DPF2: variants seen among roughly 807,000 people sequenced by gnomAD.
The protein encoded by DPF2 is double PHD fingers 2.
DPF2 carries 10 observed loss-of-function variants against 59.6 expected under a neutral mutation model. The ratio of observed to expected loss-of-function variants is 0.17; its 90% CI spans 0.10 to 0.28. The LOEUF (loss-of-function observed/expected upper bound fraction) is 0.28, where lower values mean the gene tolerates loss of function less well. DPF2 is among the 10% of genes least tolerant of loss of function. The pLI, the probability that DPF2 is intolerant of heterozygous loss-of-function variation, is 1.00. For missense variants in DPF2, 315 were observed against 509.4 expected, an observed-to-expected ratio of 0.62 and a Z score of 3.67; for synonymous variants, 189 against 190.6, an observed-to-expected ratio of 0.99 and a Z score of 0.07.
At chr11:65,344,465 G>C (rs1007877210) in intron 6 of DPF2, 2 of 1,003,208 alleles carry the variant, frequency 2.0e-6, no homozygotes, top group Non-Finnish European at 2.9e-6. Flanking sequence ...CTCCACCCTG[G>C]GAGCACCATC....
At position 65,350,237 on chromosome 11, in the gene DPF2, A is replaced by G. The variant is rs560766515; in HGVS notation, c.1099+1306A>G. 6.0e-4 allele frequency among the ~76,000 whole-genome samples: 92 copies of G among 152,298 alleles called. 3 individuals are homozygous for G. In the South Asian group the frequency reaches 0.019, roughly 31 times the overall value. ...TTAAGGCAGCTGAGGGGCAACCCCT[A>G]GAAGTATCAGATGTTCTAGGTCAGG... is the stretch of plus-strand genomic sequence containing the variant. On this transcript the variant is annotated intron_variant, in intron 10 of 10. Coordinates refer to ENST00000528416, the MANE Select transcript of DPF2 (RefSeq NM_006268.5).
rs1383792097 is a variant in DPF2 at position 65,341,402 on chromosome 11, C to T, written c.305C>T (p.Thr102Ile). The change falls in exon 4 of 11, where the codon ACA becomes ATA. Residue 102 changes from threonine (T) to isoleucine (I), a missense_variant. Physicochemically the swap from Thr to Ile is moderately conservative, Grantham distance 89. Around this residue, in one of 4 missense-constraint regions of DPF2, gnomAD observed 228 missense variants for 275.3 expected, o/e 0.83. Coordinates refer to ENST00000528416, the MANE Select transcript of DPF2 (RefSeq NM_006268.5). ...RLSFPSIKPD[T>I]DQTLKKEGLI... The stretch of plus-strand genomic sequence containing the variant: ...TTTATCCTGACCTTGCTTGCAGACA[C>T]AGACCAGACCCTGAAGAAGGAGGGG... The T allele has an allele frequency of 6.2e-7, 1 of 1,614,076 alleles. No individual in the cohort carries two copies. The highest frequency in any genetic ancestry group is 8.5e-7 in the Non-Finnish European group (1 of 1,180,040).
At chr11:65,344,388 G>T in intron 6 of DPF2, 1 of 635,138 alleles carries the variant, frequency 1.6e-6, no homozygotes, top group Non-Finnish European at 2.7e-6. Context: ...GGCCCCAGGG[G>T]TCTGACACTG....
intron 10 of DPF2, among the ~76,000 whole-genome samples, chr11:65,350,967 G>T (rs1854679616): frequency 6.7e-6 from 1 of 150,240 alleles, no homozygotes; most frequent in South Asian, 2.1e-4. Context: ...CAACAGAGCG[G>T]AAACTCTTGT....
At position 65,343,802 on chromosome 11, in the gene DPF2, G is replaced by C; in HGVS notation, c.523G>C (p.Asp175His). 6.3e-7 allele frequency: 1 copy of C among 1,593,984 alleles called. No individual in the cohort carries two copies. The highest frequency in any genetic ancestry group is 1.1e-5 in the South Asian group (1 of 88,180). ...DDLDDEDYEEDTPKRRGKGKS... is the reference protein window; with the variant it reads ...DDLDDEDYEEHTPKRRGKGKS... The stretch of plus-strand genomic sequence containing the variant: ...CCTCGATGATGAAGACTATGAAGAA[G>C]ATACTCCCAAGCGTCGGGGAAAGGG... The change falls in exon 5 of 11, where the codon GAT becomes CAT. Residue 175 changes from aspartate to histidine, a missense_variant. By Grantham distance (81) the Asp-to-His change is moderately conservative (BLOSUM62 -1). Transcript: ENST00000528416.
intron 7 of DPF2, 31 bp downstream of exon 7, chr11:65,345,834 GC>G (rs751922422): frequency 6.8e-5 from 110 of 1,613,638 alleles, no homozygotes; most frequent in Non-Finnish European, 8.2e-5. Context: ...TGGTGGGCAA[GC>G]AGAAGTTGGC....
chr11:65,344,406 CA>C (rs1854468964), intron 6 of DPF2: 1 of 662,226 alleles, frequency 1.5e-6, no homozygotes, highest in Non-Finnish European at 2.5e-6. Flanking sequence ...CTGAGTTTTT[CA>C]ACGTCTGTTC....
chr11:65,348,636 A>T, intron 9 of DPF2: 8 of 333,320 alleles, frequency 2.4e-5, no homozygotes, highest in Admixed American at 5.0e-5. Context: ...AAAAAAGTGG[A>T]GGTGATTTGA....
At chr11:65,349,625 C>G (rs1324943374) in intron 10 of DPF2, among the ~76,000 whole-genome samples, 1 of 152,114 alleles carries the variant, frequency 6.6e-6, no homozygotes, top group Non-Finnish European at 1.5e-5. Flanking sequence ...GAAACCCCGT[C>G]TCTACTAAAA....
Position 65,337,612 on chromosome 11 carries a change from T to C in DPF2, c.33-2773T>C, listed in dbSNP as rs1854237190. On this transcript the variant is annotated intron_variant, in intron 1 of 10. Coordinates refer to ENST00000528416, the MANE Select transcript of DPF2 (RefSeq NM_006268.5). ...CCTTAAGTTTTTGTTATTGCTTTTT[T>C]TTGTTTTAAGAGACAGAGCCTCCCT... Among the ~76,000 whole-genome samples the C allele has an allele frequency of 2.7e-5, 4 of 149,926 alleles. No homozygotes were observed. In the Admixed American group the frequency reaches 2.7e-4, roughly 10 times the overall value.
chr11:65,351,577 A>C (rs1475893243), intron 10 of DPF2, 106 bp from the exon 11 acceptor site: 1 of 949,672 alleles, frequency 1.1e-6, no homozygotes, highest in Non-Finnish European at 1.7e-6. Flanking sequence ...CCCTCGTCCT[A>C]CCTGTAGCTG....
Position 65,346,027 on chromosome 11 carries a change from G to C in DPF2, c.873G>C (p.Glu291Asp). 6.2e-7 allele frequency: 1 copy of C among 1,614,222 alleles called. No homozygotes were observed. The highest frequency in any genetic ancestry group is 1.1e-5 in the South Asian group (1 of 91,086). ...KINKKTGQPEELVSCSDCGRS... is the reference protein window; with the variant it reads ...KINKKTGQPEDLVSCSDCGRS... ...ACAAGAAGACGGGACAACCCGAGGAGCTGGTGTCCTGTTCTGACTGTGGCC... is the reference window on the plus strand; with the variant it reads ...ACAAGAAGACGGGACAACCCGAGGACCTGGTGTCCTGTTCTGACTGTGGCC... Residue 291 changes from glutamate to aspartate, a missense_variant, in exon 8 of 11, where the codon GAG becomes GAC. By Grantham distance (45) the Glu-to-Asp change is conservative (BLOSUM62 2). This residue lies in a region of DPF2 where 58 missense variants were observed against 84.6 expected (regional missense o/e 0.69). Transcript: ENST00000528416.
At chr11:65,349,663 G>A (rs1424962869) in intron 10 of DPF2, among the ~76,000 whole-genome samples, 6 of 152,216 alleles carry the variant, frequency 3.9e-5, no homozygotes, top group Admixed American at 6.5e-5. Context: ...GGCTGTGGTG[G>A]CGGGCGCCTG....
intron 9 of DPF2, chr11:65,346,671 G>GA (rs998979847): frequency 4.5e-5 from 11 of 244,032 alleles, no homozygotes; most frequent in Admixed American, 2.6e-4. Context: ...AATGTGCCAT[G>GA]AAAAAAACGA....
chr11:65,346,169 A>G, intron 8 of DPF2, 78 bp from the exon 9 acceptor site: 6 of 1,596,748 alleles, frequency 3.8e-6, no homozygotes, highest in Non-Finnish European at 5.1e-6. Context: ...AACCAAGAGA[A>G]GATGTAGCCA....
chr11:65,346,070 C>G lies in DPF2; in HGVS notation c.904+12C>G. On this transcript the variant is annotated intron_variant, in intron 8 of 10. Transcript: ENST00000528416. Reference sequence around the variant, plus strand: ...CTGTGGCCGCTCAGGTACTGCTTCCCGTGAAGGCTGCTGCTTTGCCCAGTC... The same window carrying G: ...CTGTGGCCGCTCAGGTACTGCTTCCGGTGAAGGCTGCTGCTTTGCCCAGTC... 6.2e-7 allele frequency: 1 copy of G among 1,614,006 alleles called. No individual in the cohort carries two copies.
chr11:65,341,717 G>A, intron 4 of DPF2, 155 bp downstream of exon 4: 2 of 990,508 alleles, frequency 2.0e-6, no homozygotes, highest in Non-Finnish European at 2.9e-6. Context: ...TTATTGTCAG[G>A]TACTGACTGG....
chr11:65,337,452 CAAAAA>C (rs750931920), intron 1 of DPF2, among the ~76,000 whole-genome samples: 10 of 13,524 alleles, frequency 7.4e-4, no homozygotes, highest in African/African-American at 1.7e-3. Flanking sequence ...GACTCTATCT[CAAAAA>C]AAAAAAAAAA....
At chr11:65,343,297 C>G (rs1333556009) in intron 4 of DPF2, among the ~76,000 whole-genome samples, 1 of 101,478 alleles carries the variant, frequency 9.9e-6, no homozygotes, top group African/African-American at 3.4e-5. Flanking sequence ...GAAACTCTGT[C>G]TCAAAAAAAA....
Sources: gnomAD v4.1 joint callset for allele counts (sites outside exome capture counted in the v4.1 genomes callset) on GRCh38, gnomAD v4.1.1 for gene constraint, gnomAD v4.1.1 regional missense constraint, MANE v1.5 for transcripts, NCBI Gene and HGNC (gene_info 2026-07-23, HGNC 2026-07-21) for gene names.